Variants in PRKG1 observed in about 807,000 individuals in gnomAD.
PRKG1 encodes cGMP-dependent protein kinase 1.
In PRKG1, 35 loss-of-function variants were observed where a neutral mutation model predicts 88.1. The observed-to-expected ratio is 0.40, with a 90% CI of 0.30 to 0.53. PRKG1 has a LOEUF of 0.53. PRKG1 is among the 20% of genes least tolerant of loss of function. The probability of loss-of-function intolerance (pLI) is 0.59; values close to 1 mark genes in which losing one functional copy is unlikely to be tolerated. For missense variants in PRKG1, 540 were observed against 839.8 expected (o/e 0.64, Z 4.41); for synonymous variants, 303 against 292.5 (o/e 1.04, Z -0.37).
intron 3 of PRKG1, among the ~76,000 whole-genome samples, chr10:51,479,114 CT>C (rs1253791043): frequency 6.7e-6 from 1 of 150,326 alleles, no homozygotes; most frequent in Non-Finnish European, 1.5e-5. Context: ...CCTGTGCTTT[CT>C]TTTTTTTTCA....
chr10:51,017,220 A>G (rs1843078851), intron 1 of PRKG1, among the ~76,000 whole-genome samples: 1 of 151,992 alleles, frequency 6.6e-6, no homozygotes, highest in African/African-American at 2.4e-5. Flanking sequence ...AGCACCCTTT[A>G]TTTATCCATC....
intron 3 of PRKG1, among the ~76,000 whole-genome samples, chr10:51,728,400 C>A (rs58685827): frequency 6.9e-6 from 1 of 143,902 alleles, no homozygotes; most frequent in Non-Finnish European, 1.5e-5. Context: ...AAATTAGCAT[C>A]TTTAAAAATG....
At chr10:51,671,116 C>T (rs1436058806) in intron 3 of PRKG1, among the ~76,000 whole-genome samples, 1 of 152,144 alleles carries the variant, frequency 6.6e-6, no homozygotes, top group Non-Finnish European at 1.5e-5. Context: ...AGAATCTGAT[C>T]ATGCTAAATT....
intron 2 of PRKG1, among the ~76,000 whole-genome samples, chr10:51,308,571 G>A (rs1268561742): frequency 6.6e-6 from 1 of 151,998 alleles, no homozygotes. Context: ...GGTAATAGCA[G>A]GGCTATTACA....
At chr10:51,261,721 G>A (rs867335555) in intron 2 of PRKG1, among the ~76,000 whole-genome samples, 15 of 130,472 alleles carry the variant, frequency 1.1e-4, no homozygotes, top group Middle Eastern at 3.5e-3. Context: ...CTCTGAAGCA[G>A]AGGTTTCGAA....
At chr10:52,058,770 A>T (rs1846168616) in intron 6 of PRKG1, among the ~76,000 whole-genome samples, 1 of 151,950 alleles carries the variant, frequency 6.6e-6, no homozygotes, top group South Asian at 2.1e-4. Context: ...GCATGACACC[A>T]CCAGCACAAT....
chr10:50,991,722 G>T lies in PRKG1; in HGVS notation c.266+78G>T. The T allele has an allele frequency of 9.2e-7, 1 of 1,085,446 alleles. No homozygotes were observed. The highest frequency in any genetic ancestry group is 1.1e-6 in the Non-Finnish European group (1 of 887,348). The allele number at this position is 1,085,446 out of a possible 1,614,324, so 67.2% of individuals were successfully genotyped here. A position where few individuals can be genotyped will look rare whatever the true frequency, so the allele number is the denominator to read the frequency against. On this transcript the variant is annotated intron_variant, in intron 1 of 17. Coordinates refer to the PRKG1 transcript ENST00000401604. The surrounding 1 kb of genome is among the most constrained non-coding windows in gnomAD (Gnocchi z 4.5). ...GCTGGGGGCTCTGGCCGCGGCGGCGGGGGCGGGTCGGCCCAGGGCGCCCCC... is the reference window on the plus strand; with the variant it reads ...GCTGGGGGCTCTGGCCGCGGCGGCGTGGGCGGGTCGGCCCAGGGCGCCCCC...
intron 4 of PRKG1, among the ~76,000 whole-genome samples, chr10:51,836,282 G>A (rs1477020198): frequency 1.3e-5 from 2 of 152,130 alleles, no homozygotes; most frequent in Non-Finnish European, 2.9e-5. Context: ...TAGGGAAAGG[G>A]CAGTCTCTTT....
intron 4 of PRKG1, among the ~76,000 whole-genome samples, chr10:51,882,523 A>G (rs1050416672): frequency 6.6e-6 from 1 of 152,126 alleles, no homozygotes; most frequent in Admixed American, 6.5e-5. Flanking sequence ...GTTTAACTCT[A>G]TTAGAGTTAC....
At chr10:52,138,255 T>A (rs1326728545) in intron 8 of PRKG1, among the ~76,000 whole-genome samples, 1 of 152,050 alleles carries the variant, frequency 6.6e-6, no homozygotes, top group African/African-American at 2.4e-5. Flanking sequence ...GGAAGTGACA[T>A]CTGGCAAAAA....
At chr10:51,701,291 A>C (rs1375505482) in intron 3 of PRKG1, among the ~76,000 whole-genome samples, 1 of 152,204 alleles carries the variant, frequency 6.6e-6, no homozygotes, top group East Asian at 1.9e-4. Context: ...GAAACTTTTA[A>C]ATTTCAGCAA....
chr10:51,896,667 A>G (rs1336532735), intron 4 of PRKG1, among the ~76,000 whole-genome samples: 1 of 150,430 alleles, frequency 6.6e-6, no homozygotes, highest in East Asian at 1.9e-4. Context: ...AAAAAAAAAA[A>G]AAAGAAAAGA....
At chr10:51,880,672 T>C (rs1385851668) in intron 4 of PRKG1, among the ~76,000 whole-genome samples, 1 of 152,194 alleles carries the variant, frequency 6.6e-6, no homozygotes, top group African/African-American at 2.4e-5. Context: ...ACTCATATCC[T>C]GGATTTAAAA....
At chr10:51,470,794 A>T (rs1030782190) in intron 3 of PRKG1, among the ~76,000 whole-genome samples, 4 of 151,946 alleles carry the variant, frequency 2.6e-5, no homozygotes, top group African/African-American at 9.7e-5. Context: ...AAATATGATT[A>T]TGAGCTTGTT....
chr10:51,517,152 T>G (rs925651796), intron 3 of PRKG1, among the ~76,000 whole-genome samples: 2 of 152,186 alleles, frequency 1.3e-5, no homozygotes, highest in African/African-American at 4.8e-5. Context: ...CAGGAGACTT[T>G]CTAAGGAAAC....
At chr10:52,181,405 G>A (rs1295325287) in intron 9 of PRKG1, among the ~76,000 whole-genome samples, 1 of 139,968 alleles carries the variant, frequency 7.1e-6, no homozygotes, top group African/African-American at 2.7e-5. Flanking sequence ...AGGTTTATTT[G>A]GCTCACAGCT....
intron 9 of PRKG1, among the ~76,000 whole-genome samples, chr10:52,169,829 G>C (rs1838611485): frequency 6.6e-6 from 1 of 152,142 alleles, no homozygotes; most frequent in South Asian, 2.1e-4. Context: ...TGGATCTTCA[G>C]TACTGATAGA....
intron 7 of PRKG1, among the ~76,000 whole-genome samples, chr10:52,085,815 C>A (rs1270763684): frequency 6.6e-6 from 1 of 152,028 alleles, no homozygotes; most frequent in Non-Finnish European, 1.5e-5. Context: ...TATTTGCATT[C>A]CCCCTTTCCC....
chr10:51,809,150 G>A (rs1332718502), intron 4 of PRKG1, among the ~76,000 whole-genome samples: 2 of 152,020 alleles, frequency 1.3e-5, no homozygotes, highest in Admixed American at 6.6e-5. Flanking sequence ...TCCCAGTCAT[G>A]TGGTTTGGCC....
Sources: gnomAD v4.1 joint callset for allele counts (sites outside exome capture counted in the v4.1 genomes callset) on GRCh38, gnomAD v4.1.1 for gene constraint, Gnocchi (gnomAD v3.1) non-coding constraint, MANE v1.5 for transcripts, NCBI Gene and HGNC (gene_info 2026-07-23, HGNC 2026-07-21) for gene names.